The following DAB1 variants were observed in gnomAD, a reference collection of about 807,000 sequenced individuals.
DAB1 encodes the protein disabled homolog 1.
Under a neutral mutation model 64.6 loss-of-function variants are expected in DAB1, and 15 were observed. That is an observed-to-expected ratio of 0.23 (90% CI 0.16 to 0.36). The LOEUF (loss-of-function observed/expected upper bound fraction) is 0.36. Ranked by LOEUF, DAB1 falls within the 10% of genes least tolerant of loss-of-function variation. The probability of loss-of-function intolerance (pLI) is 1.00; values close to 1 mark genes in which losing one functional copy is unlikely to be tolerated. For missense variants in DAB1, 596 were observed against 706.7 expected, an observed-to-expected ratio of 0.84 and a Z score of 1.78; for synonymous variants, 235 against 251.9, an observed-to-expected ratio of 0.93 and a Z score of 0.64.
At chr1:58,357,983 A>T (rs573019259) in intron 3 of DAB1, among the ~76,000 whole-genome samples, 1 of 152,208 alleles carries the variant, frequency 6.6e-6, no homozygotes, top group African/African-American at 2.4e-5. Flanking sequence ...TTGACTGAAG[A>T]TTGCCAAACC....
At chr1:58,326,332 C>A (rs950760045) in intron 4 of DAB1, among the ~76,000 whole-genome samples, 1 of 152,182 alleles carries the variant, frequency 6.6e-6, no homozygotes, top group Non-Finnish European at 1.5e-5. Context: ...ATCAGACTGG[C>A]TGCTCTCCCT....
intron 5 of DAB1, among the ~76,000 whole-genome samples, chr1:58,107,693 T>C (rs1651744661): frequency 6.6e-6 from 1 of 151,962 alleles, no homozygotes; most frequent in Non-Finnish European, 1.5e-5. Context: ...CTCAGCTCAC[T>C]GCAACCTCTG....
intron 4 of DAB1, among the ~76,000 whole-genome samples, chr1:58,275,818 C>T (rs778736482): frequency 1.3e-5 from 2 of 152,168 alleles, no homozygotes; most frequent in Non-Finnish European, 2.9e-5. Flanking sequence ...AATTTCACTT[C>T]TGGATATATA....
Position 58,096,090 on chromosome 1 carries a change from T to C in DAB1, n.387+54421A>G, listed in dbSNP as rs911976642. Among the ~76,000 whole-genome samples, 19 of 152,274 alleles carry C rather than the reference T, an allele frequency of 1.2e-4. No individual in the cohort carries two copies. The East Asian group carries it at 3.7e-3, about 29-fold the overall frequency. On this transcript the variant is annotated intron_variant and non_coding_transcript_variant, in intron 5 of 20. Coordinates refer to the DAB1 transcript ENST00000485760. ...AAAATAAGGGCTTCGGACAAGAGCA[T>C]TGCTTAGGTTCTTCTAGTGTCAAAA...
intron 5 of DAB1, among the ~76,000 whole-genome samples, chr1:57,897,053 C>T (rs990238747): frequency 6.6e-6 from 1 of 152,022 alleles, no homozygotes; most frequent in African/African-American, 2.4e-5. Flanking sequence ...ATGGTTTGAT[C>T]CCTAAAAGTT....
intron 5 of DAB1, among the ~76,000 whole-genome samples, chr1:58,101,206 A>G (rs1398000365): frequency 6.6e-6 from 1 of 152,182 alleles, no homozygotes; most frequent in Admixed American, 6.5e-5. Context: ...AGTCCCAGCT[A>G]CTTGGGAGGC....
chr1:57,089,610 C>G (rs1276204611), intron 4 of DAB1, among the ~76,000 whole-genome samples: 2 of 152,108 alleles, frequency 1.3e-5, no homozygotes, highest in African/African-American at 2.4e-5. Flanking sequence ...CTTAAACAAC[C>G]AGATCTTGCA....
chr1:57,004,667 A>G (rs1645999037), intron 14 of DAB1, among the ~76,000 whole-genome samples: 1 of 152,224 alleles, frequency 6.6e-6, no homozygotes, highest in African/African-American at 2.4e-5. Flanking sequence ...GCTCAGTGGG[A>G]GTTTTACATT....
intron 1 of DAB1, among the ~76,000 whole-genome samples, chr1:57,870,677 T>C (rs2038380): frequency 0.62 from 93,703 of 151,950 alleles, 29,109 homozygotes; most frequent in African/African-American, 0.68. Context: ...TGGTCCCAGA[T>C]TCTGCTAGGC....
intron 3 of DAB1, among the ~76,000 whole-genome samples, chr1:58,385,497 C>T (rs1276469334): frequency 6.6e-6 from 1 of 152,218 alleles, no homozygotes; most frequent in South Asian, 2.1e-4. Flanking sequence ...CCCCACCACA[C>T]TGCCAAGACC....
intron 1 of DAB1, among the ~76,000 whole-genome samples, chr1:57,844,240 A>C (rs991929826): frequency 2.0e-5 from 3 of 152,212 alleles, no homozygotes; most frequent in African/African-American, 7.2e-5. Context: ...TAACGGATTC[A>C]TGTATCTGTT....
chr1:57,104,808 G>C (rs1032706959), intron 4 of DAB1, among the ~76,000 whole-genome samples: 3 of 152,146 alleles, frequency 2.0e-5, no homozygotes, highest in Non-Finnish European at 4.4e-5. Context: ...GCTGGGGAGT[G>C]AGTGGGCAGT....
intron 5 of DAB1, among the ~76,000 whole-genome samples, chr1:58,003,920 A>G (rs903152282): frequency 6.6e-6 from 1 of 152,154 alleles, no homozygotes; most frequent in Non-Finnish European, 1.5e-5. Context: ...AGCCACCCCC[A>G]GCCGAAGGCT....
intron 2 of DAB1, among the ~76,000 whole-genome samples, chr1:57,282,618 G>T (rs779805556): frequency 1.4e-4 from 22 of 152,030 alleles, no homozygotes; most frequent in Admixed American, 1.2e-3. Context: ...ATTCATGACC[G>T]TGTGACCACA....
chr1:57,916,148 G>T (rs1220484185), intron 5 of DAB1, among the ~76,000 whole-genome samples: 2 of 152,068 alleles, frequency 1.3e-5, no homozygotes, highest in Non-Finnish European at 2.9e-5. Context: ...AAAGTAATAG[G>T]CAAAAGTCCT....
chr1:58,453,620 C>T (rs1452697542), intron 3 of DAB1, among the ~76,000 whole-genome samples: 2 of 152,198 alleles, frequency 1.3e-5, no homozygotes, highest in Non-Finnish European at 2.9e-5. Context: ...CCTCTGGAGT[C>T]AACCTCCTTG....
chr1:57,439,425 C>CTTTTTTTTTTTTT (rs71051230), intron 7 of DAB1, among the ~76,000 whole-genome samples: 3 of 97,984 alleles, frequency 3.1e-5, no homozygotes, highest in African/African-American at 4.9e-5. Flanking sequence ...GAGGTTTTTT[C>CTTTTTTTTTTTTT]TTTTTTTTTT....
At position 57,015,147 on chromosome 1, in the gene DAB1, T is replaced by C. The variant is rs1184710489; in HGVS notation, c.1180A>G (p.Ser394Gly). The change falls in exon 12 of 15, where the codon AGT becomes GGT. Residue 394 changes from serine (S) to glycine (G), a missense_variant. Ser to Gly is a moderately conservative substitution (Grantham distance 56, BLOSUM62 0). Around this residue, in one of 3 missense-constraint regions of DAB1, gnomAD observed 377 missense variants for 400.4 expected, o/e 0.94. Coordinates refer to ENST00000371236, the MANE Select transcript of DAB1 (RefSeq NM_001365792.1). ...LTPLATVPGT[S>G]DSTRSSPQTD... ...TGTGGACTTGACCTGGTGGAGTCAC[T>C]CGTGCCTGGGACGGTGGCAAGGGGG... is the stretch of plus-strand genomic sequence containing the variant. 1 of 1,614,162 alleles carries C rather than the reference T, an allele frequency of 6.2e-7. No homozygotes were observed.
intron 1 of DAB1, among the ~76,000 whole-genome samples, chr1:57,322,901 C>A (rs1675836821): frequency 6.6e-6 from 1 of 152,106 alleles, no homozygotes; most frequent in South Asian, 2.1e-4. Flanking sequence ...GTGGGTGGGG[C>A]CCAAGCAGCA....
Sources: gnomAD v4.1 joint callset for allele counts (sites outside exome capture counted in the v4.1 genomes callset) on GRCh38, gnomAD v4.1.1 for gene constraint, gnomAD v4.1.1 regional missense constraint, MANE v1.5 for transcripts, NCBI Gene and HGNC (gene_info 2026-07-23, HGNC 2026-07-21) for gene names.